OLFML2A: variants seen among roughly 807,000 people sequenced by gnomAD.
The protein encoded by OLFML2A is olfactomedin like 2A.
In OLFML2A, 47 loss-of-function variants were observed where a neutral mutation model predicts 60.9. The ratio of observed to expected loss-of-function variants is 0.77; its 90% CI spans 0.61 to 0.98. The LOEUF is 0.98. Ranked by LOEUF, OLFML2A falls within the 50% of genes least tolerant of loss-of-function variation. The pLI is 0.00. For synonymous variants in OLFML2A, 372 were observed against 375.0 expected, an observed-to-expected ratio of 0.99 and a Z score of 0.09; for missense variants, 922 against 879.8, an observed-to-expected ratio of 1.05 and a Z score of -0.61.
At chr9:124,797,469 A>C (rs978792535) in intron 3 of OLFML2A, among the ~76,000 whole-genome samples, 1 of 152,226 alleles carries the variant, frequency 6.6e-6, no homozygotes, top group African/African-American at 2.4e-5. Context: ...ATTTGAATCC[A>C]AGGGTATCCG....
intron 1 of OLFML2A, among the ~76,000 whole-genome samples, chr9:124,786,601 G>A (rs1202445264): frequency 6.6e-6 from 1 of 151,778 alleles, no homozygotes; most frequent in Non-Finnish European, 1.5e-5. Context: ...GGCACCTGTA[G>A]TCCCAGCTAC....
At chr9:124,784,943 G>GTTTTTTTTTGTTTTTTTTT (rs1841430140) in intron 1 of OLFML2A, among the ~76,000 whole-genome samples, 1 of 69,542 alleles carries the variant, frequency 1.4e-5, no homozygotes, top group African/African-American at 6.5e-5. Flanking sequence ...CCTTTTACTT[G>GTTTTTTTTTGTTTTTTTTT]TTTTTTTTTT....
At chr9:124,787,344 G>A in intron 2 of OLFML2A, 106 bp downstream of exon 2, 1 of 1,114,426 alleles carries the variant, frequency 9.0e-7, no homozygotes, top group Non-Finnish European at 1.3e-6. Context: ...TGGTGTTACT[G>A]CCCCATTTCA....
chr9:124,801,451 A>G lies in OLFML2A; in HGVS notation c.707A>G (p.Tyr236Cys). 8 of 1,614,116 alleles carry G rather than the reference A, an allele frequency of 5.0e-6. No individual in the cohort carries two copies. Among genetic ancestry groups the G allele is most frequent in the Non-Finnish European group, 6.8e-6 (8 of 1,180,002 alleles). Residue 236 changes from tyrosine (Y) to cysteine (C), a missense_variant, in exon 5 of 8, where the codon TAT becomes TGT. Coordinates refer to ENST00000373580, the MANE Select transcript of OLFML2A (RefSeq NM_182487.4). ...ARGKGKDISK[Y>C]GSVQKSFADR... ...GGAAAAGGCAAGGACATCAGCAAGTATGGCAGTGTGCAGAAAAGCTTTGCA... is the reference window on the plus strand; with the variant it reads ...GGAAAAGGCAAGGACATCAGCAAGTGTGGCAGTGTGCAGAAAAGCTTTGCA...
Position 124,810,684 on chromosome 9 carries a change from CAGACGAGG to C in OLFML2A, c.*277_*284del, listed in dbSNP as rs1564290726. 4.0e-6 allele frequency: 2 copies of C among 498,320 alleles called. No individual in the cohort carries two copies. Among genetic ancestry groups the C allele is most frequent in the Non-Finnish European group, 7.2e-6 (2 of 278,414 alleles). 30.9% of individuals were successfully genotyped at this position (498,320 alleles called of 1,614,324 possible). A position where few individuals can be genotyped will look rare whatever the true frequency, so the allele number is the denominator to read the frequency against. On this transcript the variant is annotated 3_prime_UTR_variant, in exon 8 of 8. Transcript: ENST00000373580. ...AGGTAGAGATCATGAACCCATTTAA[CAGACGAGG>C]AGACAGGCTCAGAGAGGCACCGTCC...
chr9:124,777,234 G>T lies in OLFML2A; in HGVS notation c.-37G>T. The T allele has an allele frequency of 1.2e-6, 1 of 868,174 alleles. No individual in the cohort carries two copies. The highest frequency in any genetic ancestry group is 1.5e-6 in the Non-Finnish European group (1 of 661,074). The allele number at this position is 868,174 out of a possible 1,614,324, so 53.8% of individuals were successfully genotyped here. The stretch of plus-strand genomic sequence containing the variant: ...GTGCAGCCCGCGCTTCCCAGCGTCC[G>T]TGCCCGGCCGCCTGTGCCTACCGTG... On this transcript the variant is annotated 5_prime_UTR_variant, in exon 1 of 8. Transcript: ENST00000373580. The surrounding 1 kb of genome is among the most constrained non-coding windows in gnomAD (Gnocchi z 6.2).
At chr9:124,791,294 C>T (rs1368654427) in intron 2 of OLFML2A, among the ~76,000 whole-genome samples, 1 of 152,232 alleles carries the variant, frequency 6.6e-6, no homozygotes, top group Non-Finnish European at 1.5e-5. Flanking sequence ...TGAGCCTTCT[C>T]TCTTCTCTGG....
chr9:124,809,962 C>T lies in OLFML2A; in HGVS notation c.1509C>T (p.Pro503=), dbSNP rs201652676. The T allele has an allele frequency of 1.0e-4, 161 of 1,614,134 alleles. 1 individual carries two copies. The South Asian group carries it at 1.2e-3, about 12-fold the overall frequency. ...TCGTGGCCTCCTGGGCGCTGCTGCCCGACGTGGTATATGAGGACACCACAC... is the reference window on the plus strand; with the variant it reads ...TCGTGGCCTCCTGGGCGCTGCTGCCTGACGTGGTATATGAGGACACCACAC... ...QRFVASWALL[P]DVVYEDTTPW... Residue 503 remains proline (P), a synonymous_variant, in exon 8 of 8, where the codon CCC becomes CCT. Transcript: ENST00000373580.
intron 2 of OLFML2A, among the ~76,000 whole-genome samples, chr9:124,790,786 C>A (rs895927748): frequency 5.3e-5 from 8 of 152,056 alleles, no homozygotes; most frequent in African/African-American, 1.9e-4. Context: ...TTGGCTCCCC[C>A]TCTCTCAGCA....
chr9:124,802,219 T>C (rs2131271303), intron 5 of OLFML2A, among the ~76,000 whole-genome samples: 1 of 152,318 alleles, frequency 6.6e-6, no homozygotes, highest in Non-Finnish European at 1.5e-5. Flanking sequence ...GACAAAGTAA[T>C]TGGCAAACAA....
Position 124,809,847 on chromosome 9 carries a change from T to C in OLFML2A, c.1394T>C (p.Ile465Thr). ...SNMYKLPYNW[I>T]GTGHVVYQGA... ...ATGTACAAGCTACCCTACAACTGGA[T>C]CGGCACAGGCCACGTGGTGTACCAG... The change falls in exon 8 of 8, where the codon ATC becomes ACC. Residue 465 changes from isoleucine to threonine, a missense_variant. By Grantham distance (89) the Ile-to-Thr change is moderately conservative. Transcript: ENST00000373580. The C allele has an allele frequency of 1.2e-6, 2 of 1,613,432 alleles. No individual in the cohort carries two copies. The highest frequency in any genetic ancestry group is 1.7e-6 in the Non-Finnish European group (2 of 1,179,628).
intron 4 of OLFML2A, among the ~76,000 whole-genome samples, chr9:124,799,824 G>A (rs1841740845): frequency 6.6e-6 from 1 of 152,182 alleles, no homozygotes; most frequent in Non-Finnish European, 1.5e-5. Flanking sequence ...GGCCCTCAGA[G>A]ACCAGGTTGG....
chr9:124,793,668 G>A (rs952317215), intron 2 of OLFML2A, among the ~76,000 whole-genome samples: 3 of 152,192 alleles, frequency 2.0e-5, no homozygotes, highest in Non-Finnish European at 4.4e-5. Context: ...CATACCTGGT[G>A]TTAGTTTGGG....
At chr9:124,804,922 C>G (rs1475748722) in intron 6 of OLFML2A, among the ~76,000 whole-genome samples, 2 of 151,978 alleles carry the variant, frequency 1.3e-5, no homozygotes, top group Admixed American at 1.3e-4. Context: ...AGGCTGGTCT[C>G]TAACTCCTGA....
chr9:124,784,950 T>TTTTTTTTG (rs1841431652), intron 1 of OLFML2A, among the ~76,000 whole-genome samples: 1 of 104,604 alleles, frequency 9.6e-6, no homozygotes, highest in Non-Finnish European at 1.9e-5. Context: ...CTTGTTTTTT[T>TTTTTTTTG]TTTTTTTTTT....
At position 124,777,284 on chromosome 9, in the gene OLFML2A, C is replaced by G; in HGVS notation, c.14C>G (p.Ala5Gly). MAAAALPPRPLLLLP... is the reference protein window; with the variant it reads MAAAGLPPRPLLLLP... Reference sequence around the variant, plus strand: ...GCCCGTGGCGCCATGGCCGCTGCCGCCCTCCCGCCCCGGCCGCTGCTCCTT... The same window carrying G: ...GCCCGTGGCGCCATGGCCGCTGCCGGCCTCCCGCCCCGGCCGCTGCTCCTT... Residue 5 changes from alanine (A) to glycine (G), a missense_variant, in exon 1 of 8, where the codon GCC (alanine) becomes GGC (glycine). Physicochemically the swap from Ala to Gly is moderately conservative, Grantham distance 60 (BLOSUM62 0). Transcript: ENST00000373580. This position sits in a 1 kb window ranked among gnomAD's most constrained non-coding sequence, Gnocchi z 6.2. The G allele has an allele frequency of 8.1e-7, 1 of 1,235,670 alleles. No individual in the cohort carries two copies. Among genetic ancestry groups the G allele is most frequent in the Non-Finnish European group, 1.0e-6 (1 of 978,526 alleles). The allele number at this position is 1,235,670 out of a possible 1,614,324, so 76.5% of individuals were successfully genotyped here.
intron 2 of OLFML2A, among the ~76,000 whole-genome samples, chr9:124,793,884 A>G (rs549390337): frequency 6.6e-6 from 1 of 152,196 alleles, no homozygotes; most frequent in South Asian, 2.1e-4. Flanking sequence ...ACAAAACATA[A>G]AACACTTAAC....
rs1041962282 is a variant in OLFML2A, at chr9:124,814,822, C to T, written c.*4410C>T. On this transcript the variant is annotated 3_prime_UTR_variant, in exon 8 of 8. Transcript: ENST00000373580. ...TTATTTTTGTAAGTTGCTGAGATATCTGTTTTGCAACAAGATGGGCTATAT... is the reference window on the plus strand; with the variant it reads ...TTATTTTTGTAAGTTGCTGAGATATTTGTTTTGCAACAAGATGGGCTATAT... 4.6e-5 allele frequency: 7 copies of T among 152,132 alleles called. No individual in the cohort carries two copies. Among genetic ancestry groups the T allele is most frequent in the African/African-American group, 1.7e-4 (7 of 41,422 alleles). 9.4% of individuals were successfully genotyped at this position (152,132 alleles called of 1,614,324 possible).
rs1171798070 is a variant in OLFML2A, at chr9:124,811,605, A to T, written c.*1193A>T. ...TCAGGCCTTCTTCTGGTTGCAGGAG[A>T]GAACCAGAGGGTGGGAACGGGGAGG... On this transcript the variant is annotated 3_prime_UTR_variant, in exon 8 of 8. Coordinates refer to ENST00000373580, the MANE Select transcript of OLFML2A (RefSeq NM_182487.4). The T allele has an allele frequency of 6.6e-6, 1 of 152,236 alleles. No homozygotes were observed. The highest frequency in any genetic ancestry group is 1.5e-5 in the Non-Finnish European group (1 of 68,090). The allele number at this position is 152,236 out of a possible 1,614,324, so 9.4% of individuals were successfully genotyped here.
Sources: allele counts gnomAD v4.1 joint callset (sites outside exome capture counted in the v4.1 genomes callset), GRCh38; gene constraint gnomAD v4.1.1; non-coding constraint Gnocchi (gnomAD v3.1); transcripts MANE v1.5; gene names NCBI Gene and HGNC (gene_info 2026-07-23, HGNC 2026-07-21).